The following MFHAS1 variants were observed in gnomAD, a reference collection of about 807,000 sequenced individuals.
The protein encoded by MFHAS1 is malignant fibrous histiocytoma-amplified sequence 1.
MFHAS1 carries 50 observed loss-of-function variants against 70.4 expected under a neutral mutation model. The ratio of observed to expected loss-of-function variants is 0.71; its 90% CI spans 0.57 to 0.90. MFHAS1 has a LOEUF of 0.90. MFHAS1 is among the 40% of genes least tolerant of loss of function. The probability of loss-of-function intolerance (pLI) is 0.00; values close to 1 mark genes in which losing one functional copy is unlikely to be tolerated. For synonymous variants in MFHAS1, 952 were observed against 620.0 expected, an observed-to-expected ratio of 1.54 and a Z score of -7.96; for missense variants, 1,795 against 1,347.6, an observed-to-expected ratio of 1.33 and a Z score of -5.20.
At chr8:8,853,329 G>A (rs911486864) in intron 1 of MFHAS1, among the ~76,000 whole-genome samples, 2 of 151,992 alleles carry the variant, frequency 1.3e-5, no homozygotes, top group Non-Finnish European at 2.9e-5. Flanking sequence ...TACCTTTTGG[G>A]AATAAAAAGG....
chr8:8,794,853 C>G (rs1377432699), intron 2 of MFHAS1, among the ~76,000 whole-genome samples: 1 of 152,192 alleles, frequency 6.6e-6, no homozygotes, highest in East Asian at 1.9e-4. Flanking sequence ...TTACCCATGA[C>G]TTTAGGCTGC....
intron 2 of MFHAS1, among the ~76,000 whole-genome samples, chr8:8,791,028 C>G (rs1051685767): frequency 6.6e-6 from 1 of 151,830 alleles, no homozygotes; most frequent in Non-Finnish European, 1.5e-5. Flanking sequence ...AAGGGTATTT[C>G]GAAATGCAAT....
chr8:8,863,680 G>A (rs1261912299), intron 1 of MFHAS1, among the ~76,000 whole-genome samples: 1 of 152,026 alleles, frequency 6.6e-6, no homozygotes, highest in Admixed American at 6.6e-5. Context: ...CTAACATACT[G>A]GTCCTTAACC....
intron 2 of MFHAS1, among the ~76,000 whole-genome samples, chr8:8,789,147 G>C (rs1373719075): frequency 6.6e-6 from 1 of 152,108 alleles, no homozygotes; most frequent in African/African-American, 2.4e-5. Flanking sequence ...GGGGGGGTTG[G>C]GCCCTAGAGG....
rs762195650 is a variant in MFHAS1, at chr8:8,891,981, G to C, written c.1078C>G (p.His360Asp). ...QGNQIAVLPDHFGQLSRVGLW... is the reference protein window; with the variant it reads ...QGNQIAVLPDDFGQLSRVGLW... ...CCCACCCGGGAGAGCTGGCCAAAGT[G>C]GTCGGGCAGCACCGCGATCTGGTTC... The change falls in exon 1 of 3, where the codon CAC (histidine) becomes GAC (aspartate). Residue 360 changes from histidine to aspartate, a missense_variant. Coordinates refer to ENST00000276282, the MANE Select transcript of MFHAS1 (RefSeq NM_004225.3). This position sits in a 1 kb window ranked among gnomAD's most constrained non-coding sequence, Gnocchi z 5.4. 1 of 1,613,192 alleles carries C rather than the reference G, an allele frequency of 6.2e-7. No homozygotes were observed. Among genetic ancestry groups the C allele is most frequent in the Admixed American group, 1.7e-5 (1 of 59,974 alleles).
In MFHAS1 at chr8:8,885,045, G is replaced by A. The variant is rs550013843; in HGVS notation, c.2998+5016C>T. Among the ~76,000 whole-genome samples, 5 of 152,072 alleles carry A rather than the reference G, an allele frequency of 3.3e-5. No homozygotes were observed. In the South Asian group the frequency reaches 1.0e-3, roughly 32 times the overall value. On this transcript the variant is annotated intron_variant, in intron 1 of 2. Coordinates refer to ENST00000276282, the MANE Select transcript of MFHAS1 (RefSeq NM_004225.3). The stretch of plus-strand genomic sequence containing the variant: ...GCTCTGCAGAAGCTACTAAGTCTCG[G>A]GTGTGTCTCTGGCTCAGAAGCAGCA...
chr8:8,873,867 T>C (rs2116914752), intron 1 of MFHAS1, among the ~76,000 whole-genome samples: 1 of 152,362 alleles, frequency 6.6e-6, no homozygotes, highest in Middle Eastern at 3.4e-3. Context: ...CACTGTTTTA[T>C]TTTGATCAGC....
intron 1 of MFHAS1, among the ~76,000 whole-genome samples, chr8:8,815,035 G>A (rs912728898): frequency 6.6e-6 from 1 of 151,906 alleles, no homozygotes; most frequent in African/African-American, 2.4e-5. Flanking sequence ...CCCCCACACA[G>A]GCCCCAGTGT....
At chr8:8,851,133 A>G (rs907970702) in intron 1 of MFHAS1, among the ~76,000 whole-genome samples, 2 of 152,252 alleles carry the variant, frequency 1.3e-5, no homozygotes, top group Admixed American at 1.3e-4. Flanking sequence ...AAGATGAAAA[A>G]TACATTTTTC....
chr8:8,871,037 A>C (rs1337453643), intron 1 of MFHAS1, among the ~76,000 whole-genome samples: 1 of 152,020 alleles, frequency 6.6e-6, no homozygotes, highest in African/African-American at 2.4e-5. Flanking sequence ...TTTTCATTCA[A>C]ATAACTACCC....
intron 2 of MFHAS1, among the ~76,000 whole-genome samples, chr8:8,789,120 C>T (rs112033939): frequency 0.016 from 2,392 of 148,226 alleles, 21 homozygotes; most frequent in Non-Finnish European, 0.024. Flanking sequence ...TTGGCAGAGA[C>T]GGGGGAAGTG....
In MFHAS1 at chr8:8,889,358, T is replaced by C. The variant is rs530234857; in HGVS notation, c.2998+703A>G. Among the ~76,000 whole-genome samples, 14 of 152,330 alleles carry C rather than the reference T, an allele frequency of 9.2e-5. No homozygotes were observed. In the South Asian group the frequency reaches 2.7e-3, roughly 29 times the overall value. On this transcript the variant is annotated intron_variant, in intron 1 of 2. Coordinates refer to ENST00000276282, the MANE Select transcript of MFHAS1 (RefSeq NM_004225.3). ...GAGCAGCAGCCCCAGGATTTAGTCA[T>C]GCATTACAGTCTGAAATTTCTGTCT...
chr8:8,842,214 T>A (rs186016084), intron 1 of MFHAS1, among the ~76,000 whole-genome samples: 1 of 152,124 alleles, frequency 6.6e-6, no homozygotes, highest in African/African-American at 2.4e-5. Context: ...GAAACGGAAT[T>A]TCGCTCTGTT....
At chr8:8,858,653 G>A (rs1260469013) in intron 1 of MFHAS1, among the ~76,000 whole-genome samples, 2 of 152,046 alleles carry the variant, frequency 1.3e-5, no homozygotes, top group Admixed American at 1.3e-4. Flanking sequence ...TATATGGGGG[G>A]TTGGGTTCTA....
chr8:8,801,759 G>A (rs909782922), intron 1 of MFHAS1, among the ~76,000 whole-genome samples: 1 of 152,208 alleles, frequency 6.6e-6, no homozygotes, highest in Non-Finnish European at 1.5e-5. Context: ...AGGGGTCTGA[G>A]AGTTGAGGGC....
Position 8,797,451 on chromosome 8 carries a change from C to G in MFHAS1, c.3039G>C (p.Glu1013Asp). ...CGCTGCCGTTCTTGGGGCAAATGAT[C>G]TCTGCCACTCCTTCCGGTCTGGGCT... The part of the protein sequence containing the change: ...LSQPRPEGVA[E>D]IICPKNGSER... The change falls in exon 2 of 3, where the codon GAG becomes GAC. Residue 1013 changes from glutamate (E) to aspartate (D), a missense_variant. Physicochemically the swap from Glu to Asp is conservative, Grantham distance 45 (BLOSUM62 2). Transcript: ENST00000276282. 1 of 1,614,128 alleles carries G rather than the reference C, an allele frequency of 6.2e-7. No individual in the cohort carries two copies.
chr8:8,821,624 A>T (rs1369175121), intron 1 of MFHAS1, among the ~76,000 whole-genome samples: 1 of 118,994 alleles, frequency 8.4e-6, no homozygotes, highest in Non-Finnish European at 1.9e-5. Context: ...GCAGTGTTTA[A>T]ATCTTCCTTT....
At position 8,848,954 on chromosome 8, in the gene MFHAS1, CT is replaced by C. The variant is rs557979085; in HGVS notation, c.2998+41106del. On this transcript the variant is annotated intron_variant, in intron 1 of 2. Coordinates refer to ENST00000276282, the MANE Select transcript of MFHAS1 (RefSeq NM_004225.3). ...CTTCTGAATTCAAAACACTATTATA[CT>C]TACTTTTTTCTTAAATTGCTACATG... Among the ~76,000 whole-genome samples the C allele has an allele frequency of 3.9e-3, 598 of 151,634 alleles. 1 individual carries two copies. The highest frequency in any genetic ancestry group is 6.2e-3 in the Non-Finnish European group (422 of 67,912).
intron 1 of MFHAS1, among the ~76,000 whole-genome samples, chr8:8,810,429 C>T (rs527537683): frequency 1.3e-4 from 20 of 152,196 alleles, no homozygotes; most frequent in Non-Finnish European, 5.9e-5. Context: ...TTGAACCATG[C>T]AGGTCCATTT....
Sources: gnomAD v4.1 joint callset for allele counts (sites outside exome capture counted in the v4.1 genomes callset) on GRCh38, gnomAD v4.1.1 for gene constraint, Gnocchi (gnomAD v3.1) non-coding constraint, MANE v1.5 for transcripts, NCBI Gene and HGNC (gene_info 2026-07-23, HGNC 2026-07-21) for gene names.